The following EPB41L4A variants were observed in gnomAD, a reference collection of about 807,000 sequenced individuals.
EPB41L4A encodes band 4.1-like protein 4A.
A neutral mutation model predicts 108.6 loss-of-function variants in EPB41L4A; 100 were observed. That is an observed-to-expected ratio of 0.92 (90% CI 0.78 to 1.09). The LOEUF (loss-of-function observed/expected upper bound fraction) is 1.09, where lower values mean the gene tolerates loss of function less well. Among genes scored for constraint, EPB41L4A ranks in the 50% least tolerant of loss-of-function variants. The pLI is 0.00. For synonymous variants in EPB41L4A, 319 were observed against 289.0 expected, an observed-to-expected ratio of 1.10 and a Z score of -1.05; for missense variants, 1,030 against 842.7, an observed-to-expected ratio of 1.22 and a Z score of -2.75.
At chr5:112,345,958 G>C (rs1255304167) in intron 1 of EPB41L4A, among the ~76,000 whole-genome samples, 1 of 151,830 alleles carries the variant, frequency 6.6e-6, no homozygotes, top group African/African-American at 2.4e-5. Flanking sequence ...TTTTAAAATA[G>C]TGAGTTGAAA....
intron 11 of EPB41L4A, among the ~76,000 whole-genome samples, chr5:112,237,860 T>G (rs534785678): frequency 6.6e-6 from 1 of 152,324 alleles, no homozygotes; most frequent in African/African-American, 2.4e-5. Flanking sequence ...TTAAGATTCA[T>G]TAAGACTTAC....
intron 22 of EPB41L4A, among the ~76,000 whole-genome samples, chr5:112,165,367 G>A (rs566004334): frequency 6.6e-6 from 1 of 152,108 alleles, no homozygotes; most frequent in Non-Finnish European, 1.5e-5. Context: ...ATGAATATTA[G>A]GCATAATTCA....
At chr5:112,296,764 C>T (rs892645004) in intron 2 of EPB41L4A, among the ~76,000 whole-genome samples, 1 of 151,886 alleles carries the variant, frequency 6.6e-6, no homozygotes, top group Non-Finnish European at 1.5e-5. Flanking sequence ...CCCTTCCTAC[C>T]CCTTCCCTCC....
chr5:112,311,203 T>C (rs979235331), intron 1 of EPB41L4A, among the ~76,000 whole-genome samples: 13 of 152,044 alleles, frequency 8.6e-5, no homozygotes, highest in Non-Finnish European at 1.5e-4. Flanking sequence ...ATTCAGGCAA[T>C]CTACCACCTT....
chr5:112,206,300 T>G (rs960779395), intron 13 of EPB41L4A, among the ~76,000 whole-genome samples: 5 of 150,880 alleles, frequency 3.3e-5, no homozygotes, highest in Admixed American at 3.3e-4. Flanking sequence ...TGTCCTAGGA[T>G]AGGGTCATAG....
chr5:112,295,332 G>A (rs1285277641), intron 2 of EPB41L4A, among the ~76,000 whole-genome samples: 1 of 152,190 alleles, frequency 6.6e-6, no homozygotes, highest in Non-Finnish European at 1.5e-5. Flanking sequence ...TTGTAACAAA[G>A]GTGCAGGCAC....
chr5:112,198,990 A>G (rs1762094306), intron 15 of EPB41L4A, among the ~76,000 whole-genome samples: 2 of 152,074 alleles, frequency 1.3e-5, no homozygotes, highest in Admixed American at 1.3e-4. Flanking sequence ...GCAGGCGTTC[A>G]TGGCTCTCTC....
At chr5:112,222,942 G>GT (rs11399684) in intron 12 of EPB41L4A, among the ~76,000 whole-genome samples, 124,236 of 140,188 alleles carry the variant, frequency 0.89, 55,191 homozygotes, top group East Asian at 0.99. Flanking sequence ...AGTGAAACTA[G>GT]TTTTTTTTTT....
At chr5:112,219,336 G>A (rs1233595084) in intron 12 of EPB41L4A, among the ~76,000 whole-genome samples, 1 of 152,102 alleles carries the variant, frequency 6.6e-6, no homozygotes, top group South Asian at 2.1e-4. Flanking sequence ...TCCCCTGCTG[G>A]CACTCATTCT....
At chr5:112,386,308 C>T (rs1253794490) in intron 1 of EPB41L4A, among the ~76,000 whole-genome samples, 2 of 152,194 alleles carry the variant, frequency 1.3e-5, no homozygotes, top group African/African-American at 4.8e-5. Context: ...CAGCAAATTA[C>T]TCCTGTCTAA....
At chr5:112,240,928 T>C (rs1749739631) in intron 9 of EPB41L4A, 118 bp from the exon 10 acceptor site, 5 of 593,796 alleles carry the variant, frequency 8.4e-6, no homozygotes, top group Non-Finnish European at 1.5e-5. Context: ...TGATAATATA[T>C]AAATAATAAC....
chr5:112,297,504 T>A lies in EPB41L4A; in HGVS notation c.204+9882A>T, dbSNP rs539883300. On this transcript the variant is annotated intron_variant, in intron 2 of 22. Coordinates refer to ENST00000261486, the MANE Select transcript of EPB41L4A (RefSeq NM_022140.5). ...ATGGGATTGCTTCTTTCTTATTTGT[T>A]TGAGTTCCTTGTAGATTCTGGATAT... 4.5e-4 allele frequency among the ~76,000 whole-genome samples: 68 copies of A among 152,230 alleles called. 1 individual carries two copies. The highest frequency in any genetic ancestry group is 1.1e-3 in the African/African-American group (44 of 41,556).
intron 1 of EPB41L4A, among the ~76,000 whole-genome samples, chr5:112,404,889 T>G (rs1761991870): frequency 6.6e-6 from 1 of 152,174 alleles, no homozygotes; most frequent in African/African-American, 2.4e-5. Flanking sequence ...CCATGCTGCA[T>G]GGCCTTCAGA....
intron 11 of EPB41L4A, among the ~76,000 whole-genome samples, chr5:112,236,249 A>C (rs1195565906): frequency 6.6e-6 from 1 of 152,204 alleles, no homozygotes; most frequent in African/African-American, 2.4e-5. Flanking sequence ...CAGAAGCGTA[A>C]AGTGATCTGC....
chr5:112,169,253 T>C lies in EPB41L4A; in HGVS notation c.1740-148A>G, dbSNP rs182036645. 1.4e-4 allele frequency: 92 copies of C among 635,106 alleles called. 1 individual carries two copies. In the African/African-American group the frequency reaches 1.5e-3, roughly 10 times the overall value. 39.3% of individuals were successfully genotyped at this position (635,106 alleles called of 1,614,324 possible). Reference sequence around the variant, plus strand: ...CCTAGGGTTTGAAAGCCTGAGTGACTTAAATTTCACAAGAAAAATGCTCCC... The same window carrying C: ...CCTAGGGTTTGAAAGCCTGAGTGACCTAAATTTCACAAGAAAAATGCTCCC... On this transcript the variant is annotated intron_variant, in intron 20 of 22. Transcript: ENST00000261486.
At chr5:112,309,011 C>A (rs887736086) in intron 1 of EPB41L4A, among the ~76,000 whole-genome samples, 2 of 152,148 alleles carry the variant, frequency 1.3e-5, no homozygotes, top group African/African-American at 4.8e-5. Flanking sequence ...GTTAGGCATT[C>A]CCTAACCCAA....
intron 1 of EPB41L4A, among the ~76,000 whole-genome samples, chr5:112,348,376 G>A (rs1561594187): frequency 6.6e-6 from 1 of 152,116 alleles, no homozygotes; most frequent in Non-Finnish European, 1.5e-5. Flanking sequence ...CAAGAACACA[G>A]TCCTCAAATT....
chr5:112,164,973 T>C lies in EPB41L4A; in HGVS notation c.*17A>G, dbSNP rs1005668555. Reference sequence around the variant, plus strand: ...GCACACAACCTTCCCACCCCTACCCTTGACCCTTCATCAGGATCAAGTCTC... The same window carrying C: ...GCACACAACCTTCCCACCCCTACCCCTGACCCTTCATCAGGATCAAGTCTC... On this transcript the variant is annotated 3_prime_UTR_variant, in exon 23 of 23. Transcript: ENST00000261486. 9.9e-6 allele frequency: 16 copies of C among 1,608,922 alleles called. No individual in the cohort carries two copies. Among genetic ancestry groups the C allele is most frequent in the Non-Finnish European group, 1.4e-5 (16 of 1,178,306 alleles).
intron 2 of EPB41L4A, among the ~76,000 whole-genome samples, chr5:112,301,424 G>C (rs909155945): frequency 6.6e-6 from 1 of 152,106 alleles, no homozygotes; most frequent in African/African-American, 2.4e-5. Context: ...TTTCCTTCTG[G>C]ATCTAGCCAC....
Sources: gnomAD v4.1 joint callset for allele counts (sites outside exome capture counted in the v4.1 genomes callset) on GRCh38, gnomAD v4.1.1 for gene constraint, MANE v1.5 for transcripts, NCBI Gene and HGNC (gene_info 2026-07-23, HGNC 2026-07-21) for gene names.